ATL2: variants seen among roughly 807,000 people sequenced by gnomAD.
The protein encoded by ATL2 is atlastin GTPase 2.
ATL2 carries 31 observed loss-of-function variants against 73.9 expected under a neutral mutation model. That is an observed-to-expected ratio of 0.42 (90% confidence interval 0.32 to 0.57). The LOEUF (loss-of-function observed/expected upper bound fraction) is 0.57. ATL2 is among the 20% of genes least tolerant of loss of function. ATL2 has a pLI of 0.14. For synonymous variants in ATL2, 291 were observed against 237.5 expected (o/e 1.23, Z -2.07); for missense variants, 738 against 702.6 (o/e 1.05, Z -0.57).
At chr2:38,372,367 T>C (rs1044131993) in intron 1 of ATL2, among the ~76,000 whole-genome samples, 3 of 152,170 alleles carry the variant, frequency 2.0e-5, no homozygotes, top group Non-Finnish European at 4.4e-5. Context: ...TACATTGTAT[T>C]AGGTATTATA....
intron 2 of ATL2, among the ~76,000 whole-genome samples, chr2:38,322,515 C>A (rs1184660236): frequency 6.6e-6 from 1 of 151,976 alleles, no homozygotes; most frequent in Non-Finnish European, 1.5e-5. Context: ...TTCCTAGAAA[C>A]AATACAATCA....
At chr2:38,353,265 T>TA (rs11395045) in intron 1 of ATL2, among the ~76,000 whole-genome samples, 3,533 of 152,082 alleles carry the variant, frequency 0.023, 41 homozygotes, top group Non-Finnish European at 0.034. Flanking sequence ...TAGAAACTAT[T>TA]AAAAAACAAA....
chr2:38,335,677 A>G (rs1669316802), intron 2 of ATL2, among the ~76,000 whole-genome samples: 1 of 151,776 alleles, frequency 6.6e-6, no homozygotes, highest in Non-Finnish European at 1.5e-5. Flanking sequence ...ACTATAACAT[A>G]TATATATATA....
intron 1 of ATL2, among the ~76,000 whole-genome samples, chr2:38,352,341 C>T (rs891482451): frequency 6.6e-6 from 1 of 152,082 alleles, no homozygotes; most frequent in African/African-American, 2.4e-5. Context: ...AGACAAAATA[C>T]ATGAAGCATT....
intron 10 of ATL2, 106 bp downstream of exon 10, chr2:38,300,166 G>T: frequency 1.0e-6 from 1 of 982,768 alleles, no homozygotes. Context: ...GTGTTTGCAT[G>T]CAAAAAAGCA....
chr2:38,323,486 G>A (rs1668438420), intron 2 of ATL2, among the ~76,000 whole-genome samples: 1 of 149,570 alleles, frequency 6.7e-6, no homozygotes, highest in Non-Finnish European at 1.5e-5. Flanking sequence ...TTACAAGCAT[G>A]AGCCACCATG....
intron 2 of ATL2, among the ~76,000 whole-genome samples, chr2:38,339,684 TTTTTA>T (rs1330681881): frequency 6.6e-6 from 1 of 152,104 alleles, no homozygotes; most frequent in African/African-American, 2.4e-5. Flanking sequence ...AGAATATTTA[TTTTTA>T]TTTTATTTAT....
intron 1 of ATL2, among the ~76,000 whole-genome samples, chr2:38,350,490 G>C (rs1296317987): frequency 1.3e-5 from 2 of 152,132 alleles, no homozygotes; most frequent in African/African-American, 4.8e-5. Flanking sequence ...ATTTCTTAGG[G>C]CAGTGAAACT....
At chr2:38,319,636 A>G in intron 2 of ATL2, among the ~76,000 whole-genome samples, 1 of 151,856 alleles carries the variant, frequency 6.6e-6, no homozygotes, top group South Asian at 2.1e-4. Flanking sequence ...AGAGAGAGAC[A>G]GAGAAATATT....
chr2:38,377,103 C>A, intron 1 of ATL2, 40 bp downstream of exon 1: 1 of 1,584,520 alleles, frequency 6.3e-7, no homozygotes, highest in Non-Finnish European at 8.6e-7. Flanking sequence ...AGCGTCTCTC[C>A]CCATCAGGGC....
chr2:38,330,796 T>C (rs781569075), intron 2 of ATL2, among the ~76,000 whole-genome samples: 3 of 152,230 alleles, frequency 2.0e-5, no homozygotes, highest in Admixed American at 2.0e-4. Flanking sequence ...CACAGTAGTA[T>C]TTCCCAAATT....
At chr2:38,377,497 C>G (rs868850794), upstream of ATL2, among the ~76,000 whole-genome samples, 30 of 151,124 alleles carry the variant, frequency 2.0e-4, no homozygotes, top group Middle Eastern at 3.4e-3. Context: ...AGATCCGTCT[C>G]CCCGGCTCCA....
chr2:38,314,472 G>T, intron 6 of ATL2, 136 bp downstream of exon 6: 1 of 592,224 alleles, frequency 1.7e-6, no homozygotes, highest in East Asian at 2.9e-5. Context: ...ACTACCAAAG[G>T]TTAGTTTCGA....
chr2:38,335,674 C>CATAT (rs201116346), intron 2 of ATL2, among the ~76,000 whole-genome samples: 33 of 151,368 alleles, frequency 2.2e-4, no homozygotes, highest in African/African-American at 7.6e-4. Context: ...GTTACTATAA[C>CATAT]ATATATATAT....
intron 2 of ATL2, among the ~76,000 whole-genome samples, chr2:38,323,357 T>A (rs201076412): frequency 7.4e-6 from 1 of 134,818 alleles, no homozygotes; most frequent in African/African-American, 2.9e-5. Context: ...AAGTTTTTTT[T>A]TTTTTTTTTT....
At chr2:38,323,530 A>T (rs1668440865) in intron 2 of ATL2, among the ~76,000 whole-genome samples, 1 of 151,980 alleles carries the variant, frequency 6.6e-6, no homozygotes, top group African/African-American at 2.4e-5. Context: ...TCAAATAGTG[A>T]ATAAATACAG....
upstream of ATL2, among the ~76,000 whole-genome samples, chr2:38,378,473 G>C (rs540413907): frequency 6.6e-6 from 1 of 152,098 alleles, no homozygotes; most frequent in Non-Finnish European, 1.5e-5. Context: ...TACTGACCTC[G>C]TGATCCACCC....
At chr2:38,299,063 A>G (rs1667051864) in intron 11 of ATL2, among the ~76,000 whole-genome samples, 193 bp downstream of exon 11, 1 of 152,228 alleles carries the variant, frequency 6.6e-6, no homozygotes, top group African/African-American at 2.4e-5. Context: ...TACTAACTCA[A>G]ATTCTGCTCT....
intron 1 of ATL2, among the ~76,000 whole-genome samples, chr2:38,349,395 T>C (rs1330373744): frequency 2.7e-5 from 4 of 150,446 alleles, no homozygotes; most frequent in South Asian, 2.1e-4. Flanking sequence ...AAATTGGAAA[T>C]CATCATTCTC....
Sources: gnomAD v4.1 joint callset for allele counts (sites outside exome capture counted in the v4.1 genomes callset) on GRCh38, gnomAD v4.1.1 for gene constraint, MANE v1.5 for transcripts, NCBI Gene and HGNC (gene_info 2026-07-23, HGNC 2026-07-21) for gene names.